Variants in DSCAM observed in about 807,000 individuals in gnomAD.
DSCAM encodes the protein cell adhesion molecule DSCAM.
DSCAM carries 47 observed loss-of-function variants against 217.7 expected under a neutral mutation model. The observed-to-expected ratio is 0.22, with a 90% CI of 0.17 to 0.28. DSCAM has a LOEUF of 0.28. Among genes scored for constraint, DSCAM ranks in the 10% least tolerant of loss-of-function variants. DSCAM has a pLI of 1.00. For synonymous variants in DSCAM, 1,056 were observed against 1,015.3 expected (o/e 1.04, Z -0.76); for missense variants, 2,080 against 2,618.3 (o/e 0.79, Z 4.49).
intron 29 of DSCAM, among the ~76,000 whole-genome samples, chr21:40,055,476 A>T (rs1023976731): frequency 1.3e-5 from 2 of 152,046 alleles, no homozygotes; most frequent in Admixed American, 1.3e-4. Context: ...GAGCTGAGGG[A>T]TTTCTGTCCC....
At chr21:40,160,659 G>A (rs773669052) in intron 16 of DSCAM, among the ~76,000 whole-genome samples, 74 of 152,188 alleles carry the variant, frequency 4.9e-4, no homozygotes, top group Non-Finnish European at 8.5e-4. Context: ...AAGGATGAGC[G>A]TCAATAGATG....
At chr21:40,811,888 G>A (rs752157716) in intron 1 of DSCAM, among the ~76,000 whole-genome samples, 6 of 152,146 alleles carry the variant, frequency 3.9e-5, no homozygotes, top group Non-Finnish European at 8.8e-5. Flanking sequence ...TGTCTGTTCC[G>A]GCCTTTCTCA....
chr21:40,823,939 A>G (rs2091948541), intron 1 of DSCAM, among the ~76,000 whole-genome samples: 1 of 152,048 alleles, frequency 6.6e-6, no homozygotes, highest in Non-Finnish European at 1.5e-5. Context: ...CAGAAACGCA[A>G]ATTTCACAGA....
Position 40,338,392 on chromosome 21 carries a change from G to A in DSCAM, c.1508-16C>T. Reference sequence around the variant, plus strand: ...CTTGCAGGCCCTGGAGAGACACAAAGAAACTCTTGAAAATAATTTAAGGGT... The same window carrying A: ...CTTGCAGGCCCTGGAGAGACACAAAAAAACTCTTGAAAATAATTTAAGGGT... On this transcript the variant is annotated splice_polypyrimidine_tract_variant and intron_variant, in intron 7 of 32. Coordinates refer to ENST00000400454, the MANE Select transcript of DSCAM (RefSeq NM_001389.5). 2 of 1,602,246 alleles carry A rather than the reference G, an allele frequency of 1.2e-6. No individual in the cohort carries two copies. Among genetic ancestry groups the A allele is most frequent in the Non-Finnish European group, 1.7e-6 (2 of 1,171,886 alleles).
chr21:40,560,728 ATTGTAGAGTACCGG>A, intron 3 of DSCAM, among the ~76,000 whole-genome samples: 1 of 152,364 alleles, frequency 6.6e-6, no homozygotes, highest in African/African-American at 2.4e-5. Flanking sequence ...AACACAATGC[ATTGTAGAGTACCGG>A]TTGTTTGCCC....
chr21:40,036,023 G>T (rs200971832), intron 32 of DSCAM, among the ~76,000 whole-genome samples: 1 of 115,818 alleles, frequency 8.6e-6, no homozygotes, highest in Non-Finnish European at 1.9e-5. Context: ...GCAGTGTATA[G>T]AGGGAAATTT....
At chr21:40,088,768 TC>T (rs2089566391) in intron 21 of DSCAM, among the ~76,000 whole-genome samples, 1 of 152,178 alleles carries the variant, frequency 6.6e-6, no homozygotes, top group Non-Finnish European at 1.5e-5. Flanking sequence ...GTAGAGAATG[TC>T]CTCAGCAGTA....
intron 3 of DSCAM, among the ~76,000 whole-genome samples, chr21:40,503,809 G>C (rs1398555317): frequency 6.6e-6 from 1 of 152,206 alleles, no homozygotes; most frequent in Non-Finnish European, 1.5e-5. Context: ...TTTGGTTTTA[G>C]TTTTGGCTGG....
At chr21:40,134,347 C>G (rs1394998799) in intron 18 of DSCAM, among the ~76,000 whole-genome samples, 2 of 152,188 alleles carry the variant, frequency 1.3e-5, no homozygotes, top group African/African-American at 4.8e-5. Flanking sequence ...AGCAATGTCC[C>G]CTGCACCCCT....
intron 3 of DSCAM, among the ~76,000 whole-genome samples, chr21:40,640,630 C>T (rs2089866285): frequency 6.6e-6 from 1 of 152,174 alleles, no homozygotes; most frequent in African/African-American, 2.4e-5. Context: ...TTCTGGGATG[C>T]TGGCGGAGGC....
chr21:40,043,766 G>T lies in DSCAM; in HGVS notation c.5383+312C>A, dbSNP rs138161934. On this transcript the variant is annotated intron_variant, in intron 31 of 32. Transcript: ENST00000400454. The stretch of plus-strand genomic sequence containing the variant: ...AATCAGCAATTACTGCAATCACGGG[G>T]GTGAAAATTTAAAAATGTCTCTATT... 4.7e-4 allele frequency among the ~76,000 whole-genome samples: 72 copies of T among 152,300 alleles called. No individual in the cohort carries two copies. The East Asian group carries it at 0.013, about 28-fold the overall frequency.
intron 9 of DSCAM, among the ~76,000 whole-genome samples, chr21:40,306,635 G>A (rs531340999): frequency 1.9e-3 from 286 of 151,526 alleles, no homozygotes; most frequent in African/African-American, 6.7e-3. Context: ...CTAATTTATT[G>A]AGAGTTTTTA....
chr21:40,154,295 C>T (rs1601390799), intron 16 of DSCAM, among the ~76,000 whole-genome samples: 1 of 151,574 alleles, frequency 6.6e-6, no homozygotes, highest in East Asian at 1.9e-4. Context: ...CTCTGTCACC[C>T]ATGCTGGAGT....
At chr21:40,201,463 C>T (rs983496873) in intron 11 of DSCAM, among the ~76,000 whole-genome samples, 8 of 151,764 alleles carry the variant, frequency 5.3e-5, no homozygotes, top group African/African-American at 1.2e-4. Flanking sequence ...ATTTATTAGA[C>T]GGAGTTTCAC....
intron 3 of DSCAM, among the ~76,000 whole-genome samples, chr21:40,439,195 TA>T (rs1433489388): frequency 1.3e-5 from 2 of 152,306 alleles, no homozygotes; most frequent in African/African-American, 4.8e-5. Context: ...AGGGAGAAAC[TA>T]GACACAAAAC....
At chr21:40,825,994 G>A (rs140098003) in intron 1 of DSCAM, among the ~76,000 whole-genome samples, 19 of 152,278 alleles carry the variant, frequency 1.2e-4, no homozygotes, top group African/African-American at 4.3e-4. Flanking sequence ...TACTTACTGG[G>A]CACCTGCAGC....
intron 8 of DSCAM, among the ~76,000 whole-genome samples, chr21:40,328,884 C>T (rs541416856): frequency 6.6e-6 from 1 of 152,182 alleles, no homozygotes; most frequent in African/African-American, 2.4e-5. Context: ...CAAAAGAAGA[C>T]ATACATGGCT....
At chr21:40,140,206 T>C (rs2090272599) in intron 18 of DSCAM, among the ~76,000 whole-genome samples, 2 of 152,130 alleles carry the variant, frequency 1.3e-5, no homozygotes, top group Admixed American at 6.5e-5. Flanking sequence ...GGCAGGTTCA[T>C]GTTTCTGAAG....
intron 3 of DSCAM, among the ~76,000 whole-genome samples, chr21:40,486,356 C>T (rs1196249248): frequency 2.0e-5 from 3 of 152,130 alleles, no homozygotes; most frequent in African/African-American, 7.2e-5. Flanking sequence ...TGACTCCAGA[C>T]TGTCCATCCT....
Sources: allele counts gnomAD v4.1 joint callset (sites outside exome capture counted in the v4.1 genomes callset), GRCh38; gene constraint gnomAD v4.1.1; transcripts MANE v1.5; gene names NCBI Gene and HGNC (gene_info 2026-07-23, HGNC 2026-07-21).